PTPRT: variants seen among roughly 807,000 people sequenced by gnomAD.
The protein encoded by PTPRT is protein tyrosine phosphatase receptor type T.
A neutral mutation model predicts 176.8 loss-of-function variants in PTPRT; 56 were observed. The ratio of observed to expected loss-of-function variants is 0.32; its 90% confidence interval spans 0.26 to 0.40. The LOEUF is 0.40. Among genes scored for constraint, PTPRT ranks in the 10% least tolerant of loss-of-function variants. The probability of loss-of-function intolerance (pLI) is 1.00; values close to 1 mark genes in which losing one functional copy is unlikely to be tolerated. For missense variants in PTPRT, 1,540 were observed against 1,908.2 expected, an observed-to-expected ratio of 0.81 and a Z score of 3.60; for synonymous variants, 783 against 739.0, an observed-to-expected ratio of 1.06 and a Z score of -0.96.
intron 7 of PTPRT, among the ~76,000 whole-genome samples, chr20:42,674,151 C>A (rs2075458619): frequency 6.6e-6 from 1 of 152,140 alleles, no homozygotes; most frequent in Admixed American, 6.5e-5. Context: ...CCCTGGAATT[C>A]TCTTAAAAAT....
intron 16 of PTPRT, among the ~76,000 whole-genome samples, chr20:42,193,106 C>T (rs1991063328): frequency 6.6e-6 from 1 of 152,204 alleles, no homozygotes; most frequent in Admixed American, 6.5e-5. Context: ...GCTCTGGGGT[C>T]CAGGGCCCAT....
chr20:42,434,609 A>G (rs2059245187), intron 9 of PTPRT, among the ~76,000 whole-genome samples: 1 of 147,614 alleles, frequency 6.8e-6, no homozygotes, highest in Non-Finnish European at 1.5e-5. Context: ...TACTCTACCT[A>G]CGCCTTCAAA....
chr20:42,689,522 G>A (rs759900496), intron 6 of PTPRT, among the ~76,000 whole-genome samples: 9 of 152,096 alleles, frequency 5.9e-5, no homozygotes, highest in East Asian at 1.9e-4. Flanking sequence ...AGCCACACCC[G>A]TTTCACATCC....
intron 12 of PTPRT, among the ~76,000 whole-genome samples, chr20:42,285,078 G>A (rs2057207217): frequency 6.6e-6 from 1 of 151,972 alleles, no homozygotes. Flanking sequence ...CAATTAAAGT[G>A]AGCAAACTCA....
At chr20:43,041,867 A>G (rs2425556) in intron 1 of PTPRT, among the ~76,000 whole-genome samples, 48,146 of 152,220 alleles carry the variant, frequency 0.32, 10,534 homozygotes, top group African/African-American at 0.62. Flanking sequence ...TACATGAGGC[A>G]GAAATATGTC....
rs1555855395 is a variant in PTPRT at position 42,077,759 on chromosome 20, G to GAC, written c.*3119_*3120insGT. ...TTGGGTTGTGGGAAAATAAGGGGAT[G>GAC]AGCTGGGGGAAATCATCACTGGCCC... is the stretch of plus-strand genomic sequence containing the variant. On this transcript the variant is annotated 3_prime_UTR_variant, in exon 31 of 31. Coordinates refer to ENST00000373187, the MANE Select transcript of PTPRT (RefSeq NM_007050.6). 3.9e-5 allele frequency: 5 copies of GAC among 128,434 alleles called. No individual in the cohort carries two copies. Among genetic ancestry groups the GAC allele is most frequent in the African/African-American group, 2.2e-4 (5 of 23,250 alleles). 8.0% of individuals were successfully genotyped at this position (128,434 alleles called of 1,614,324 possible).
At chr20:42,842,829 CTCACGTAGCAGCAGGAACAGAGGGG>C (rs2145731640) in intron 2 of PTPRT, among the ~76,000 whole-genome samples, 1 of 152,306 alleles carries the variant, frequency 6.6e-6, no homozygotes, top group Admixed American at 6.5e-5. Flanking sequence ...TCTATGTGCC[CTCACGTAGCAGCAGGAACAGAGGGG>C]GTCCCTCAAG....
At chr20:42,698,106 G>A (rs2075911661) in intron 6 of PTPRT, among the ~76,000 whole-genome samples, 1 of 151,984 alleles carries the variant, frequency 6.6e-6, no homozygotes, top group Non-Finnish European at 1.5e-5. Context: ...TCCTACCTTT[G>A]ATTCCCCTAA....
At chr20:42,710,322 A>C (rs756246078) in intron 6 of PTPRT, among the ~76,000 whole-genome samples, 4 of 152,190 alleles carry the variant, frequency 2.6e-5, no homozygotes, top group Non-Finnish European at 4.4e-5. Flanking sequence ...CCCTCCCATC[A>C]CAGGCCCAGA....
intron 1 of PTPRT, among the ~76,000 whole-genome samples, chr20:42,905,059 A>T (rs537275712): frequency 1.4e-3 from 207 of 152,326 alleles, no homozygotes; most frequent in Non-Finnish European, 2.2e-3. Flanking sequence ...AAGCCAAAAT[A>T]GACAAATGGG....
At chr20:42,428,073 G>T (rs148001670) in intron 9 of PTPRT, among the ~76,000 whole-genome samples, 1,790 of 152,282 alleles carry the variant, frequency 0.012, 42 homozygotes, top group African/African-American at 0.041. Flanking sequence ...AGCCTGTTTG[G>T]TGGTCTCCTC....
At chr20:42,701,026 T>C (rs2146160661) in intron 6 of PTPRT, among the ~76,000 whole-genome samples, 1 of 152,252 alleles carries the variant, frequency 6.6e-6, no homozygotes, top group East Asian at 1.9e-4. Flanking sequence ...CAAGGCTACA[T>C]ACAGCAGACA....
intron 1 of PTPRT, among the ~76,000 whole-genome samples, chr20:43,170,179 G>C (rs2014962261): frequency 6.6e-6 from 1 of 151,088 alleles, no homozygotes; most frequent in Admixed American, 6.6e-5. Context: ...TATATACGGG[G>C]GAAATTCCTT....
intron 16 of PTPRT, among the ~76,000 whole-genome samples, chr20:42,184,561 A>ATTCTTCTTCTTC (rs1402560409): frequency 7.8e-6 from 1 of 128,256 alleles, no homozygotes; most frequent in Non-Finnish European, 1.6e-5. Flanking sequence ...TCTTCTTCTT[A>ATTCTTCTTCTTC]TTCTTCTTCT....
rs111405142 is a variant in PTPRT, at chr20:42,084,666, C to A, written c.4136+16G>T. 47 of 1,429,150 alleles carry A rather than the reference C, an allele frequency of 3.3e-5. No homozygotes were observed. The African/African-American group carries it at 4.0e-4, about 12-fold the overall frequency. The allele number at this position is 1,429,150 out of a possible 1,614,324, so 88.5% of individuals were successfully genotyped here. On this transcript the variant is annotated intron_variant, in intron 29 of 30. Transcript: ENST00000373187. Reference sequence around the variant, plus strand: ...CCACCACCCTATTGCCCTGGTGACACCTCCCTAGTACTCACAGGCAGTGGA... The same window carrying A: ...CCACCACCCTATTGCCCTGGTGACAACTCCCTAGTACTCACAGGCAGTGGA...
intron 7 of PTPRT, among the ~76,000 whole-genome samples, chr20:42,528,711 CG>C (rs1018111979): frequency 6.6e-6 from 1 of 152,128 alleles, no homozygotes; most frequent in Non-Finnish European, 1.5e-5. Flanking sequence ...TTACTAAAAA[CG>C]GTTCATTATC....
At chr20:42,388,825 C>T (rs559511490) in intron 9 of PTPRT, among the ~76,000 whole-genome samples, 1 of 152,314 alleles carries the variant, frequency 6.6e-6, no homozygotes, top group South Asian at 2.1e-4. Flanking sequence ...CGCATGCACA[C>T]ATATGTTTAC....
At chr20:42,633,819 A>ATATATATATATATATAT (rs1162225733) in intron 7 of PTPRT, among the ~76,000 whole-genome samples, 1 of 85,610 alleles carries the variant, frequency 1.2e-5, no homozygotes, top group African/African-American at 6.7e-5. Context: ...ATATATATAT[A>ATATATATATATATATAT]ATAAAATATT....
At chr20:42,492,753 T>A (rs1042145348) in intron 7 of PTPRT, among the ~76,000 whole-genome samples, 1 of 152,182 alleles carries the variant, frequency 6.6e-6, no homozygotes, top group Non-Finnish European at 1.5e-5. Context: ...GGGAACATGC[T>A]CTGTGTTATA....
Sources: gnomAD v4.1 joint callset for allele counts (sites outside exome capture counted in the v4.1 genomes callset) on GRCh38, gnomAD v4.1.1 for gene constraint, MANE v1.5 for transcripts, NCBI Gene and HGNC (gene_info 2026-07-23, HGNC 2026-07-21) for gene names.